Variants in MAX observed in about 807,000 individuals in gnomAD.
MAX encodes the protein MYC associated transcriptional regulator X.
Under a neutral mutation model 22.3 loss-of-function variants are expected in MAX, and 3 were observed. That is an observed-to-expected ratio of 0.13 (90% CI 0.06 to 0.35). The LOEUF (loss-of-function observed/expected upper bound fraction) is 0.35. Ranked by LOEUF, MAX falls within the 10% of genes least tolerant of loss-of-function variation. The pLI, the probability that MAX is intolerant of heterozygous loss-of-function variation, is 1.00. For synonymous variants in MAX, 72 were observed against 77.7 expected, an observed-to-expected ratio of 0.93 and a Z score of 0.39; for missense variants, 119 against 209.4, an observed-to-expected ratio of 0.57 and a Z score of 2.66.
chr14:65,023,297 G>T lies in MAX; in HGVS notation c.172-17013C>A, dbSNP rs1243379049. Among the ~76,000 whole-genome samples, 3 of 152,228 alleles carry T rather than the reference G, an allele frequency of 2.0e-5. No individual in the cohort carries two copies. The East Asian group carries it at 5.8e-4, about 29-fold the overall frequency. ...TGGCCTTGAACTCCTGAGCTCAAGT[G>T]ATCCCCCTCACCTCAGCCAAAGTGC... is the stretch of plus-strand genomic sequence containing the variant. On this transcript the variant is annotated intron_variant, in intron 3 of 3. Transcript: ENST00000341653. The surrounding 1 kb of genome is among the most constrained non-coding windows in gnomAD (Gnocchi z 4.1).
chr14:65,095,086 G>T (rs952736978), intron 2 of MAX, among the ~76,000 whole-genome samples: 2 of 152,212 alleles, frequency 1.3e-5, no homozygotes, highest in African/African-American at 4.8e-5. Flanking sequence ...TTGTGAAAAC[G>T]AAAGGACTTG....
In MAX at chr14:65,034,311, C is replaced by T. The variant is rs144028273; in HGVS notation, c.172-28027G>A. Among the ~76,000 whole-genome samples, 1,228 of 152,286 alleles carry T rather than the reference C, an allele frequency of 8.1e-3. 23 individuals are homozygous for T. The highest frequency in any genetic ancestry group is 0.025 in the African/African-American group (1,040 of 41,556). On this transcript the variant is annotated intron_variant, in intron 3 of 3. Transcript: ENST00000341653. ...TTCATTTCTCTCCTTCGTTGAAGTC[C>T]CTGTCCTCCTTTTTCTTGGTTTTCT...
At chr14:65,057,518 G>T (rs560008712) in intron 3 of MAX, among the ~76,000 whole-genome samples, 1 of 152,150 alleles carries the variant, frequency 6.6e-6, no homozygotes, top group Non-Finnish European at 1.5e-5. Flanking sequence ...TTGGGGGAGG[G>T]TAGGTGAGGA....
rs2062058836 is a variant in MAX at position 65,030,467 on chromosome 14, A to C, written c.172-24183T>G. ...AAGATGGAAACCAGGGCCGAGCGGC[A>C]GTGGCTCATGTCTGTAATCTCAACA... is the stretch of plus-strand genomic sequence containing the variant. On this transcript the variant is annotated intron_variant, in intron 3 of 3. Coordinates refer to the MAX transcript ENST00000341653. This position sits in a 1 kb window ranked among gnomAD's most constrained non-coding sequence, Gnocchi z 4.5. Among the ~76,000 whole-genome samples the C allele has an allele frequency of 6.6e-6, 1 of 152,208 alleles. No individual in the cohort carries two copies. Among genetic ancestry groups the C allele is most frequent in the African/African-American group, 2.4e-5 (1 of 41,458 alleles).
At chr14:65,053,618 C>CT (rs1272608271) in intron 3 of MAX, among the ~76,000 whole-genome samples, 15 of 140,520 alleles carry the variant, frequency 1.1e-4, no homozygotes, top group Admixed American at 7.6e-4. Context: ...GATAACTCTT[C>CT]TTTTTTTTAA....
intron 2 of MAX, among the ~76,000 whole-genome samples, chr14:65,095,853 G>C (rs916002158): frequency 1.3e-5 from 2 of 152,148 alleles, no homozygotes; most frequent in Non-Finnish European, 2.9e-5. Context: ...CTTTCTGGGA[G>C]AGCCCTGCAA....
intron 3 of MAX, among the ~76,000 whole-genome samples, chr14:65,037,649 T>G (rs1273243277): frequency 6.7e-6 from 1 of 149,882 alleles, no homozygotes; most frequent in East Asian, 1.9e-4. Context: ...GGTCTCAAAC[T>G]CCTGGGCTGA....
At chr14:65,064,896 C>T (rs921963158) in intron 3 of MAX, among the ~76,000 whole-genome samples, 1 of 152,266 alleles carries the variant, frequency 6.6e-6, no homozygotes. Context: ...CACTCCTCCC[C>T]ACCTGTGGCA....
At chr14:65,038,643 A>T (rs1344195296) in intron 3 of MAX, among the ~76,000 whole-genome samples, 1 of 152,144 alleles carries the variant, frequency 6.6e-6, no homozygotes, top group East Asian at 1.9e-4. Flanking sequence ...ACTTGAACCC[A>T]GGAGGCGGAG....
At chr14:65,068,201 G>A (rs943006402) in intron 3 of MAX, among the ~76,000 whole-genome samples, 9 of 152,112 alleles carry the variant, frequency 5.9e-5, no homozygotes, top group East Asian at 1.9e-4. Context: ...TTGGCAGGCT[G>A]AGGCAGGTGG....
chr14:65,022,185 A>G, intron 3 of MAX: 2 of 405,410 alleles, frequency 4.9e-6, no homozygotes, highest in South Asian at 3.6e-5. Flanking sequence ...AACAAGCTTG[A>G]TGTGATGCCA....
upstream of MAX, chr14:65,102,568 G>A: frequency 6.9e-7 from 1 of 1,442,470 alleles, no homozygotes; most frequent in South Asian, 1.4e-5. Context: ...CCCGCCACGT[G>A]ACCAGGCTCG....
chr14:65,039,980 GAAATTTAAGACCAGCCTGGGTAAC>G (rs1205333928), intron 3 of MAX, among the ~76,000 whole-genome samples: 6 of 152,104 alleles, frequency 3.9e-5, no homozygotes, highest in Non-Finnish European at 7.4e-5. Flanking sequence ...CTTGAGGCCA[GAAATTTAAGACCAGCCTGGGTAAC>G]ATGGCAATGC....
chr14:65,006,615 C>T (rs1378894912), intron 3 of MAX, among the ~76,000 whole-genome samples: 6 of 152,180 alleles, frequency 3.9e-5, no homozygotes, highest in African/African-American at 1.4e-4. Flanking sequence ...TGGTTGTACC[C>T]CCGATGACTC....
rs137873231 is a variant in MAX at position 65,054,468 on chromosome 14, TG to T, written c.171+39239del. ...ATGCCTCCTCTAGCCACATGGAGGA[TG>T]GGGGGGGACGTGTGATTGCACCAGT... On this transcript the variant is annotated intron_variant, in intron 3 of 3. Transcript: ENST00000341653. This position sits in a 1 kb window ranked among gnomAD's most constrained non-coding sequence, Gnocchi z 4.4. 0.057 allele frequency: 63,388 copies of T among 1,110,320 alleles called. 4,717 individuals carry two copies. The highest frequency in any genetic ancestry group is 0.34 in the African/African-American group (21,657 of 64,110). 68.8% of individuals were successfully genotyped at this position (1,110,320 alleles called of 1,614,324 possible).
intron 3 of MAX, among the ~76,000 whole-genome samples, chr14:65,092,391 T>C (rs781062146): frequency 6.6e-6 from 1 of 152,222 alleles, no homozygotes; most frequent in Non-Finnish European, 1.5e-5. Flanking sequence ...GATACTATGG[T>C]ACAGGAATAA....
chr14:65,021,400 A>G (rs1382349328), intron 3 of MAX, among the ~76,000 whole-genome samples: 2 of 152,210 alleles, frequency 1.3e-5, no homozygotes, highest in Admixed American at 1.3e-4. Context: ...TTAGTAGCTT[A>G]TCCCCGGAAT....
intron 3 of MAX, among the ~76,000 whole-genome samples, chr14:65,037,164 C>T (rs972519047): frequency 1.3e-4 from 20 of 150,198 alleles, no homozygotes; most frequent in South Asian, 8.4e-4. Context: ...AGTGCAATGG[C>T]GTGATCTCGG....
chr14:65,083,758 C>T (rs2063254201), intron 3 of MAX: 1 of 1,090,818 alleles, frequency 9.2e-7, no homozygotes, highest in Non-Finnish European at 1.1e-6. Flanking sequence ...CAACTGACAT[C>T]TGTTTTATTT....
Sources: gnomAD v4.1 joint callset for allele counts (sites outside exome capture counted in the v4.1 genomes callset) on GRCh38, gnomAD v4.1.1 for gene constraint, Gnocchi (gnomAD v3.1) non-coding constraint, MANE v1.5 for transcripts, NCBI Gene and HGNC (gene_info 2026-07-23, HGNC 2026-07-21) for gene names.